ADGRL2: variants seen among roughly 807,000 people sequenced by gnomAD.
ADGRL2 encodes the protein adhesion G protein-coupled receptor L2.
Under a neutral mutation model 157.4 loss-of-function variants are expected in ADGRL2, and 44 were observed. That is an observed-to-expected ratio of 0.28 (90% CI 0.22 to 0.36). The LOEUF is 0.36. Ranked by LOEUF, ADGRL2 falls within the 10% of genes least tolerant of loss-of-function variation. The probability of loss-of-function intolerance (pLI) is 1.00; values close to 1 mark genes in which losing one functional copy is unlikely to be tolerated. For missense variants in ADGRL2, 1,510 were observed against 1,768.9 expected (o/e 0.85, Z 2.63); for synonymous variants, 585 against 624.7 (o/e 0.94, Z 0.95).
rs1658862346 is a variant in ADGRL2, at chr1:81,971,880, A to G, written c.2983A>G (p.Ile995Val). 2 of 1,611,512 alleles carry G rather than the reference A, an allele frequency of 1.2e-6. No individual in the cohort carries two copies. The highest frequency in any genetic ancestry group is 1.7e-5 in the Admixed American group (1 of 59,676). ...ACWLHVDNYF[I>V]WSFIGPVTFI... ...CTGGCTTCATGTTGATAACTACTTTATATGGAGCTTCATTGGACCTGTTAC... is the reference window on the plus strand; with the variant it reads ...CTGGCTTCATGTTGATAACTACTTTGTATGGAGCTTCATTGGACCTGTTAC... The change falls in exon 17 of 24, where the codon ATA (isoleucine) becomes GTA (valine). Residue 995 changes from isoleucine (I) to valine (V), a missense_variant. Physicochemically the swap from Ile to Val is conservative, Grantham distance 29. Around this residue, in one of 4 missense-constraint regions of ADGRL2, gnomAD observed 497 missense variants for 627.2 expected, o/e 0.79. Transcript: ENST00000686636.
chr1:81,710,367 A>G (rs1238879330), intron 1 of ADGRL2, among the ~76,000 whole-genome samples: 3 of 152,058 alleles, frequency 2.0e-5, no homozygotes, highest in East Asian at 1.9e-4. Flanking sequence ...GCTCATGCCT[A>G]TAATCACAGC....
intron 1 of ADGRL2, among the ~76,000 whole-genome samples, chr1:81,349,750 T>C (rs1378305401): frequency 6.6e-6 from 1 of 151,698 alleles, no homozygotes; most frequent in African/African-American, 2.4e-5. Context: ...ACAGGAAAAA[T>C]ATAGGAACAG....
chr1:81,383,532 C>T (rs1305996049), intron 1 of ADGRL2, among the ~76,000 whole-genome samples: 1 of 151,958 alleles, frequency 6.6e-6, no homozygotes, highest in Non-Finnish European at 1.5e-5. Context: ...CTCAACTTCT[C>T]TGATAATTTT....
At chr1:81,915,304 TCCTGGA>T (rs2094830261) in intron 3 of ADGRL2, among the ~76,000 whole-genome samples, 1 of 152,088 alleles carries the variant, frequency 6.6e-6, no homozygotes, top group Non-Finnish European at 1.5e-5. Context: ...GTCTCAAAAC[TCCTGGA>T]CCCAAGAGAT....
At chr1:81,765,096 T>C (rs2086067653) in intron 2 of ADGRL2, among the ~76,000 whole-genome samples, 2 of 152,026 alleles carry the variant, frequency 1.3e-5, no homozygotes, top group Admixed American at 1.3e-4. Context: ...TTTTTCACTT[T>C]ACTCTGAATG....
intron 2 of ADGRL2, among the ~76,000 whole-genome samples, chr1:81,769,461 A>G (rs1367367529): frequency 1.3e-5 from 2 of 152,068 alleles, no homozygotes; most frequent in Admixed American, 1.3e-4. Context: ...TTCCCTACTA[A>G]TCTTCAAAGC....
chr1:81,582,776 C>T (rs556265140), intron 3 of ADGRL2, among the ~76,000 whole-genome samples: 28 of 152,226 alleles, frequency 1.8e-4, no homozygotes, highest in African/African-American at 6.5e-4. Context: ...CCCCACCACA[C>T]ATCAAAAAAG....
chr1:81,376,247 C>T (rs750612290), intron 1 of ADGRL2, among the ~76,000 whole-genome samples: 5 of 152,206 alleles, frequency 3.3e-5, no homozygotes, highest in Admixed American at 1.3e-4. Context: ...AACCATTAGG[C>T]ATTTTCCCAG....
intron 2 of ADGRL2, among the ~76,000 whole-genome samples, chr1:81,504,858 C>T (rs1289388871): frequency 6.6e-6 from 1 of 152,192 alleles, no homozygotes; most frequent in Non-Finnish European, 1.5e-5. Flanking sequence ...TGAGCCGCCC[C>T]AGGGTATGAG....
chr1:81,421,407 C>T (rs1457109124), intron 1 of ADGRL2, among the ~76,000 whole-genome samples: 4 of 152,156 alleles, frequency 2.6e-5, no homozygotes, highest in African/African-American at 9.7e-5. Flanking sequence ...AAATTAGACC[C>T]TTTCATCGAC....
chr1:81,851,018 G>A (rs894463024), intron 2 of ADGRL2, among the ~76,000 whole-genome samples: 1 of 151,646 alleles, frequency 6.6e-6, no homozygotes, highest in Non-Finnish European at 1.5e-5. Flanking sequence ...TATAGGGCAG[G>A]GATTTCACTA....
intron 3 of ADGRL2, among the ~76,000 whole-genome samples, chr1:81,668,119 A>G (rs2082789272): frequency 6.6e-6 from 1 of 152,176 alleles, no homozygotes; most frequent in Non-Finnish European, 1.5e-5. Flanking sequence ...GGAATGAAGT[A>G]TTTCATATAA....
At chr1:81,327,006 G>A (rs746911149) in intron 1 of ADGRL2, among the ~76,000 whole-genome samples, 18 of 152,120 alleles carry the variant, frequency 1.2e-4, no homozygotes, top group Non-Finnish European at 2.4e-4. Flanking sequence ...GGACTGGCAG[G>A]CCTAAGCCAC....
At chr1:81,323,371 C>G (rs1660665398) in intron 1 of ADGRL2, among the ~76,000 whole-genome samples, 1 of 150,554 alleles carries the variant, frequency 6.6e-6, no homozygotes, top group African/African-American at 2.4e-5. Context: ...CCCAGAGTAA[C>G]TGAGACCATA....
intron 3 of ADGRL2, among the ~76,000 whole-genome samples, chr1:81,653,895 A>G (rs1419488744): frequency 1.3e-5 from 2 of 152,084 alleles, no homozygotes; most frequent in African/African-American, 4.8e-5. Flanking sequence ...AAAAAATACA[A>G]TCTGCAATTT....
chr1:81,365,886 C>T (rs186699807), intron 1 of ADGRL2, among the ~76,000 whole-genome samples: 6 of 152,222 alleles, frequency 3.9e-5, no homozygotes, highest in East Asian at 1.9e-4. Context: ...AATGAAAAAT[C>T]GGGTAAAGTA....
At chr1:81,990,034 T>G (rs1279236784) in intron 23 of ADGRL2, 3 of 984,934 alleles carry the variant, frequency 3.0e-6, no homozygotes, top group Non-Finnish European at 3.6e-6. Context: ...AAAATGTAAA[T>G]GTCACTAATG....
chr1:81,472,734 C>T (rs1397143304), intron 2 of ADGRL2, among the ~76,000 whole-genome samples: 5 of 152,166 alleles, frequency 3.3e-5, no homozygotes, highest in African/African-American at 1.2e-4. Context: ...CCTATATTTC[C>T]AAACCCTTCC....
At chr1:81,960,779 A>G (rs1242257970) in intron 11 of ADGRL2, among the ~76,000 whole-genome samples, 2 of 152,000 alleles carry the variant, frequency 1.3e-5, no homozygotes, top group Non-Finnish European at 2.9e-5. Flanking sequence ...GGCCTTATTT[A>G]TTGTTTTAAT....
Sources: gnomAD v4.1 joint callset for allele counts (sites outside exome capture counted in the v4.1 genomes callset) on GRCh38, gnomAD v4.1.1 for gene constraint, gnomAD v4.1.1 regional missense constraint, MANE v1.5 for transcripts, NCBI Gene and HGNC (gene_info 2026-07-23, HGNC 2026-07-21) for gene names.